NAV3: variants seen among roughly 807,000 people sequenced by gnomAD.
NAV3 encodes neuron navigator 3.
A neutral mutation model predicts 244.7 loss-of-function variants in NAV3; 87 were observed. That is an observed-to-expected ratio of 0.36 (90% CI 0.30 to 0.42). The LOEUF (loss-of-function observed/expected upper bound fraction) is 0.42. NAV3 is among the 20% of genes least tolerant of loss of function. The probability of loss-of-function intolerance (pLI) is 1.00; values close to 1 mark genes in which losing one functional copy is unlikely to be tolerated. For synonymous variants in NAV3, 1,126 were observed against 1,042.2 expected (o/e 1.08, Z -1.55); for missense variants, 2,663 against 2,893.3 (o/e 0.92, Z 1.83).
At chr12:78,108,240 A>G (rs1334907596) in intron 12 of NAV3, among the ~76,000 whole-genome samples, 1 of 152,160 alleles carries the variant, frequency 6.6e-6, no homozygotes, top group Non-Finnish European at 1.5e-5. Context: ...TGATGAGATT[A>G]ACCCAGCAAT....
At chr12:77,769,211 T>C (rs1407916072) in intron 2 of NAV3, among the ~76,000 whole-genome samples, 1 of 152,224 alleles carries the variant, frequency 6.6e-6, no homozygotes, top group Non-Finnish European at 1.5e-5. Context: ...TACTACAATA[T>C]AGTTGCTGCA....
At chr12:77,733,688 G>A (rs1289765779) in intron 2 of NAV3, among the ~76,000 whole-genome samples, 7 of 151,768 alleles carry the variant, frequency 4.6e-5, no homozygotes, top group South Asian at 4.2e-4. Context: ...ACTGAAGAGG[G>A]GCCAGATTTC....
At chr12:78,125,257 A>G (rs1396374145) in intron 16 of NAV3, among the ~76,000 whole-genome samples, 6 of 152,246 alleles carry the variant, frequency 3.9e-5, no homozygotes, top group Admixed American at 2.6e-4. Context: ...AAAGATGTAT[A>G]TAAGTTCATG....
chr12:78,034,512 CTGATTGGTATA>C (rs1332002303), intron 9 of NAV3, among the ~76,000 whole-genome samples: 2 of 152,152 alleles, frequency 1.3e-5, no homozygotes, highest in African/African-American at 4.8e-5. Flanking sequence ...CAGGTTTAAA[CTGATTGGTATA>C]TGTATAAGCA....
At chr12:77,961,046 A>G (rs1891890573) in intron 3 of NAV3, among the ~76,000 whole-genome samples, 2 of 132,120 alleles carry the variant, frequency 1.5e-5, no homozygotes, top group African/African-American at 2.8e-5. Flanking sequence ...ATATGTATAT[A>G]TGTATATGTT....
At chr12:78,171,535 A>C (rs1352358772) in intron 24 of NAV3, among the ~76,000 whole-genome samples, 1 of 151,662 alleles carries the variant, frequency 6.6e-6, no homozygotes, top group African/African-American at 2.4e-5. Context: ...TTTTAAAACT[A>C]ACAAAAACCA....
chr12:77,643,292 A>T (rs1872496326), intron 2 of NAV3, among the ~76,000 whole-genome samples: 1 of 151,998 alleles, frequency 6.6e-6, no homozygotes. Context: ...TTTAACTCTT[A>T]GTCACATACT....
At position 77,871,034 on chromosome 12, in the gene NAV3, C is replaced by T. The variant is rs186706174; in HGVS notation, c.243+39330C>T. 9.5e-4 allele frequency among the ~76,000 whole-genome samples: 144 copies of T among 152,284 alleles called. 1 individual carries two copies. The Middle Eastern group carries it at 0.01, about 11-fold the overall frequency. On this transcript the variant is annotated intron_variant, in intron 1 of 39. Transcript: ENST00000397909. Reference sequence around the variant, plus strand: ...AGATACATGAAGAATGAAATAAGCACATGAAAGTAACCGGCCCATCATAGG... The same window carrying T: ...AGATACATGAAGAATGAAATAAGCATATGAAAGTAACCGGCCCATCATAGG...
intron 8 of NAV3, among the ~76,000 whole-genome samples, chr12:78,007,895 G>A (rs1315300217): frequency 1.3e-5 from 2 of 152,182 alleles, no homozygotes; most frequent in Non-Finnish European, 2.9e-5. Flanking sequence ...AAATGATAAA[G>A]TTGCGGATTT....
At position 77,862,148 on chromosome 12, in the gene NAV3, AT is replaced by A. The variant is rs907197916; in HGVS notation, c.243+30456del. On this transcript the variant is annotated intron_variant, in intron 1 of 39. Coordinates refer to ENST00000397909, the MANE Select transcript of NAV3 (RefSeq NM_001024383.2). Reference sequence around the variant, plus strand: ...AGATGTGGGACACACATTAAAATGAATTTTTTTTTTTTGGTCATGGGTCTTT... The same window carrying A: ...AGATGTGGGACACACATTAAAATGAATTTTTTTTTTTGGTCATGGGTCTTT... Among the ~76,000 whole-genome samples the A allele has an allele frequency of 2.2e-3, 327 of 146,494 alleles. 1 individual carries two copies. The highest frequency in any genetic ancestry group is 3.3e-3 in the Non-Finnish European group (216 of 65,860).
In NAV3 at chr12:77,943,554, G is replaced by C. The variant is rs139979258; in HGVS notation, c.414+2421G>C. ...TTAAGAATTTGTGTAAGCACTATTA[G>C]TGAATAAAAATTCCAGACTTTAATT... On this transcript the variant is annotated intron_variant, in intron 3 of 39. Coordinates refer to ENST00000397909, the MANE Select transcript of NAV3 (RefSeq NM_001024383.2). Among the ~76,000 whole-genome samples, 426 of 152,314 alleles carry C rather than the reference G, an allele frequency of 2.8e-3. 3 individuals are homozygous for C. Among genetic ancestry groups the C allele is most frequent in the Non-Finnish European group, 4.7e-3 (319 of 68,030 alleles).
intron 2 of NAV3, among the ~76,000 whole-genome samples, chr12:77,714,278 A>T (rs997468792): frequency 2.0e-5 from 3 of 152,138 alleles, no homozygotes; most frequent in Admixed American, 6.6e-5. Context: ...TAAGAAAGAG[A>T]GTTCAAAGCA....
intron 2 of NAV3, among the ~76,000 whole-genome samples, chr12:77,624,016 A>G (rs1300731406): frequency 6.6e-6 from 1 of 152,218 alleles, no homozygotes; most frequent in Non-Finnish European, 1.5e-5. Context: ...AATCAGGCAT[A>G]CAATAATGTC....
chr12:77,889,976 C>A (rs1883742734), intron 1 of NAV3, among the ~76,000 whole-genome samples: 1 of 152,138 alleles, frequency 6.6e-6, no homozygotes, highest in Non-Finnish European at 1.5e-5. Context: ...CTGGAATAAC[C>A]AGTCAAAACT....
chr12:78,112,003 A>C (rs1270490178), intron 12 of NAV3, among the ~76,000 whole-genome samples: 1 of 152,186 alleles, frequency 6.6e-6, no homozygotes, highest in African/African-American at 2.4e-5. Flanking sequence ...GGCTAATTTA[A>C]GGAATTAAAC....
rs559476552 is a variant in NAV3, at chr12:77,912,435, C to T, written c.244-27884C>T. On this transcript the variant is annotated intron_variant, in intron 1 of 39. Transcript: ENST00000397909. ...AACAAGGTCTGGCTGCTAAAATTAT[C>T]TTTTAATGTGAAAATGCTCACAGAT... Among the ~76,000 whole-genome samples the T allele has an allele frequency of 2.6e-5, 4 of 152,156 alleles. No homozygotes were observed. In the South Asian group the frequency reaches 8.3e-4, roughly 32 times the overall value.
chr12:78,090,623 G>C (rs1278580924), intron 12 of NAV3, among the ~76,000 whole-genome samples: 4 of 151,914 alleles, frequency 2.6e-5, no homozygotes. Context: ...GTAACCCTGG[G>C]CACTTCCTTT....
chr12:77,806,206 A>G (rs879483143), intron 2 of NAV3, among the ~76,000 whole-genome samples: 7 of 151,990 alleles, frequency 4.6e-5, no homozygotes, highest in Non-Finnish European at 1.0e-4. Flanking sequence ...GCCTTCTGCT[A>G]GCTTTTGAAT....
At chr12:77,668,342 C>T (rs117581114) in intron 2 of NAV3, among the ~76,000 whole-genome samples, 3,783 of 152,056 alleles carry the variant, frequency 0.025, 61 homozygotes, top group Middle Eastern at 0.082. Context: ...ATCAAGGAGG[C>T]ACCAGAGAAA....
Sources: allele counts gnomAD v4.1 joint callset (sites outside exome capture counted in the v4.1 genomes callset), GRCh38; gene constraint gnomAD v4.1.1; transcripts MANE v1.5; gene names NCBI Gene and HGNC (gene_info 2026-07-23, HGNC 2026-07-21).